The following ASIC2 variants were observed in gnomAD, a reference collection of about 807,000 sequenced individuals.
The protein encoded by ASIC2 is acid sensing ion channel subunit 2.
Under a neutral mutation model 57.3 loss-of-function variants are expected in ASIC2, and 25 were observed. The ratio of observed to expected loss-of-function variants is 0.44; its 90% CI spans 0.32 to 0.61. The LOEUF (loss-of-function observed/expected upper bound fraction) is 0.61, where lower values mean the gene tolerates loss of function less well. Among genes scored for constraint, ASIC2 ranks in the 20% least tolerant of loss-of-function variants. ASIC2 has a pLI of 0.06. For missense variants in ASIC2, 641 were observed against 738.1 expected, an observed-to-expected ratio of 0.87 and a Z score of 1.52; for synonymous variants, 319 against 307.5, an observed-to-expected ratio of 1.04 and a Z score of -0.39.
At chr17:33,690,085 A>G (rs1457146356) in intron 1 of ASIC2, among the ~76,000 whole-genome samples, 2 of 152,240 alleles carry the variant, frequency 1.3e-5, no homozygotes, top group Non-Finnish European at 2.9e-5. Flanking sequence ...ATAGAGGTAT[A>G]TATATTTTTT....
Position 33,567,983 on chromosome 17 carries a change from A to T in ASIC2, c.556-455916T>A, listed in dbSNP as rs138880971. ...TTATTACTGAAAAATTGCAAATGGT[A>T]CATGGATATCCTTCTTTTCATTACC... is the stretch of plus-strand genomic sequence containing the variant. On this transcript the variant is annotated intron_variant, in intron 1 of 9. Coordinates refer to the ASIC2 transcript ENST00000359872. Among the ~76,000 whole-genome samples the T allele has an allele frequency of 5.3e-5, 8 of 152,310 alleles. No individual in the cohort carries two copies. The East Asian group carries it at 1.5e-3, about 29-fold the overall frequency.
intron 1 of ASIC2, among the ~76,000 whole-genome samples, chr17:33,433,615 T>C (rs7501937): frequency 0.75 from 113,273 of 151,860 alleles, 42,478 homozygotes; most frequent in South Asian, 0.81. Context: ...TGGGGCGTGG[T>C]GGTGTGTGCC....
chr17:33,923,153 C>A (rs1473146033), intron 1 of ASIC2, among the ~76,000 whole-genome samples: 1 of 152,164 alleles, frequency 6.6e-6, no homozygotes, highest in Admixed American at 6.5e-5. Context: ...CTGCCAAGAA[C>A]GTCTACCAGC....
At chr17:33,545,356 A>C (rs1235538680) in intron 1 of ASIC2, among the ~76,000 whole-genome samples, 1 of 152,278 alleles carries the variant, frequency 6.6e-6, no homozygotes. Context: ...TTGCTGTCTG[A>C]CAGTGATTGA....
chr17:33,291,532 A>G lies in ASIC2; in HGVS notation c.584T>C (p.Leu195Pro), dbSNP rs762676871. The change falls in exon 1 of 10, where the codon CTG becomes CCG. Residue 195 changes from leucine to proline, a missense_variant. This residue lies in a region of ASIC2 where 382 missense variants were observed against 398.0 expected (regional missense o/e 0.96). Coordinates refer to ENST00000225823, the MANE Select transcript of ASIC2 (RefSeq NM_183377.2). ...FRKLADFRLF[L>P]PPRHFEGISA... ...GATTCCCTCGAAGTGGCGCGGAGGC[A>G]GGAAGAGGCGGAAGTCCGCCAGCTT... 1.9e-6 allele frequency: 3 copies of G among 1,612,552 alleles called. No homozygotes were observed. The highest frequency in any genetic ancestry group is 2.5e-6 in the Non-Finnish European group (3 of 1,179,732).
chr17:33,496,731 C>A (rs970433137), intron 1 of ASIC2, among the ~76,000 whole-genome samples: 19 of 146,324 alleles, frequency 1.3e-4, no homozygotes, highest in African/African-American at 4.8e-4. Flanking sequence ...AATTCTCATA[C>A]CTCAGCTCCC....
chr17:33,487,768 T>C (rs955631305), intron 1 of ASIC2, among the ~76,000 whole-genome samples: 28 of 152,194 alleles, frequency 1.8e-4, no homozygotes, highest in Non-Finnish European at 2.1e-4. Flanking sequence ...TTGCTGAGTC[T>C]TCCAGCCTTC....
At chr17:33,340,947 A>T (rs1907696215) in intron 1 of ASIC2, among the ~76,000 whole-genome samples, 1 of 152,156 alleles carries the variant, frequency 6.6e-6, no homozygotes. Context: ...GGAATGTAGT[A>T]TCTTTCACAC....
At chr17:33,849,019 T>C (rs1028304467) in intron 1 of ASIC2, among the ~76,000 whole-genome samples, 1 of 152,248 alleles carries the variant, frequency 6.6e-6, no homozygotes, top group Non-Finnish European at 1.5e-5. Flanking sequence ...ATTTCTGTAC[T>C]ATTTCTGCAT....
chr17:33,951,470 C>T (rs1363343820), intron 1 of ASIC2, among the ~76,000 whole-genome samples: 1 of 152,164 alleles, frequency 6.6e-6, no homozygotes, highest in Non-Finnish European at 1.5e-5. Flanking sequence ...TGGCCAATTT[C>T]CATTTTCAGC....
intron 1 of ASIC2, among the ~76,000 whole-genome samples, chr17:33,550,353 C>T (rs1915714710): frequency 6.6e-6 from 1 of 152,184 alleles, no homozygotes; most frequent in African/African-American, 2.4e-5. Flanking sequence ...CTGGTGGGCT[C>T]TGCTGGGCGA....
intron 1 of ASIC2, among the ~76,000 whole-genome samples, chr17:33,550,973 A>G (rs1915734473): frequency 6.6e-6 from 1 of 152,210 alleles, no homozygotes; most frequent in Non-Finnish European, 1.5e-5. Flanking sequence ...GGTGGGCTTA[A>G]TGCAAAGCTA....
chr17:34,033,236 A>T (rs1205802772), intron 1 of ASIC2, among the ~76,000 whole-genome samples: 1 of 152,238 alleles, frequency 6.6e-6, no homozygotes, highest in Non-Finnish European at 1.5e-5. Flanking sequence ...AACTACATGG[A>T]AACTGAACAA....
At chr17:33,693,701 A>T (rs534567162) in intron 1 of ASIC2, among the ~76,000 whole-genome samples, 21 of 152,298 alleles carry the variant, frequency 1.4e-4, no homozygotes, top group African/African-American at 5.1e-4. Context: ...ATGTCTCCCT[A>T]TTGCAGCTCA....
chr17:33,017,727 C>G, intron 7 of ASIC2, 43 bp from the exon 8 acceptor site: 1 of 1,572,668 alleles, frequency 6.4e-7, no homozygotes. Flanking sequence ...TTTTATGCAG[C>G]TTCCAGGAAG....
At chr17:33,943,692 T>TAAAAAAA (rs3071252) in intron 1 of ASIC2, among the ~76,000 whole-genome samples, 1 of 119,828 alleles carries the variant, frequency 8.3e-6, no homozygotes. Flanking sequence ...ATGATAATAG[T>TAAAAAAA]AAAAAAAAAA....
intron 1 of ASIC2, among the ~76,000 whole-genome samples, chr17:34,008,705 A>T (rs1473979762): frequency 1.3e-5 from 2 of 152,146 alleles, no homozygotes; most frequent in African/African-American, 4.8e-5. Context: ...TGGCCCCTGT[A>T]TGGAGGCCCT....
chr17:33,226,230 AG>A (rs1190455714), intron 1 of ASIC2, among the ~76,000 whole-genome samples: 3 of 152,204 alleles, frequency 2.0e-5, no homozygotes, highest in Non-Finnish European at 4.4e-5. Context: ...TTTCAGCCTT[AG>A]AAAGTGCCTA....
chr17:33,861,793 T>C (rs1349176178), intron 1 of ASIC2, among the ~76,000 whole-genome samples: 1 of 152,236 alleles, frequency 6.6e-6, no homozygotes, highest in Non-Finnish European at 1.5e-5. Flanking sequence ...ACCTCTATGG[T>C]CAGACATGAT....
Sources: gnomAD v4.1 joint callset for allele counts (sites outside exome capture counted in the v4.1 genomes callset) on GRCh38, gnomAD v4.1.1 for gene constraint, gnomAD v4.1.1 regional missense constraint, MANE v1.5 for transcripts, NCBI Gene and HGNC (gene_info 2026-07-23, HGNC 2026-07-21) for gene names.